CD300LD: variants seen among roughly 807,000 people sequenced by gnomAD.
The protein encoded by CD300LD is CD300 molecule like family member d, also known as CMRF35-like molecule 5.
Under a neutral mutation model 20.3 loss-of-function variants are expected in CD300LD, and 18 were observed. The observed-to-expected ratio is 0.89, with a 90% CI of 0.61 to 1.32. The LOEUF is 1.32. Among genes scored for constraint, CD300LD ranks in the 40% most tolerant of loss-of-function variants. The probability of loss-of-function intolerance (pLI) is 0.00; values close to 1 mark genes in which losing one functional copy is unlikely to be tolerated. For missense variants in CD300LD, 195 were observed against 226.6 expected (o/e 0.86, Z 0.90); for synonymous variants, 104 against 90.1 (o/e 1.15, Z -0.87).
intron 2 of CD300LD, among the ~76,000 whole-genome samples, chr17:74,587,861 A>G (rs558982955): frequency 6.6e-6 from 1 of 151,782 alleles, no homozygotes; most frequent in South Asian, 2.1e-4. Flanking sequence ...GAAAAAAAAA[A>G]TGTGCCTAGA....
intron 2 of CD300LD, 63 bp from the exon 3 acceptor site, chr17:74,582,374 C>CCTAA: frequency 7.2e-7 from 1 of 1,390,888 alleles, no homozygotes; most frequent in Admixed American, 1.9e-5. Flanking sequence ...TGGCTGTGGC[C>CCTAA]CTAAGGCTTC....
intron 2 of CD300LD, among the ~76,000 whole-genome samples, chr17:74,586,803 G>C (rs1384431199): frequency 1.3e-5 from 2 of 152,204 alleles, no homozygotes; most frequent in Non-Finnish European, 2.9e-5. Context: ...CTTAGTCCCA[G>C]GAGTTATTGA....
intron 1 of CD300LD, among the ~76,000 whole-genome samples, chr17:74,591,271 T>A (rs12940252): frequency 4.1e-5 from 6 of 145,332 alleles, no homozygotes; most frequent in Non-Finnish European, 9.1e-5. Flanking sequence ...AAAATAAAAA[T>A]AATAATAATA....
intron 1 of CD300LD, among the ~76,000 whole-genome samples, chr17:74,589,060 AAC>A (rs1429478070): frequency 2.0e-5 from 3 of 152,244 alleles, no homozygotes; most frequent in African/African-American, 7.2e-5. Context: ...TCCCCAAAGA[AAC>A]ACAAATGTTG....
Position 74,580,086 on chromosome 17 carries a change from C to G in CD300LD, c.501G>C (p.Leu167=). ...GAGGCAGCTCCAGGAGGAACAGGAA[C>G]AGGAAGTGGGTGCTCTTGAGCGGGG... ...TRSPLKSTHF[L]FLFLLELPLL... is the part of the protein sequence containing the mutation. The change falls in exon 4 of 4, where the codon CTG becomes CTC. Residue 167 remains leucine (L), a synonymous_variant. Transcript: ENST00000375352. The G allele has an allele frequency of 6.2e-7, 1 of 1,612,904 alleles. No homozygotes were observed. The highest frequency in any genetic ancestry group is 2.2e-5 in the East Asian group (1 of 44,848).
chr17:74,579,715 C>T lies in CD300LD; in HGVS notation c.*287G>A, dbSNP rs545527115. 3 of 215,298 alleles carry T rather than the reference C, an allele frequency of 1.4e-5. No individual in the cohort carries two copies. The highest frequency in any genetic ancestry group is 1.4e-4 in the South Asian group (2 of 13,854). The allele number at this position is 215,298 out of a possible 1,614,324, so 13.3% of individuals were successfully genotyped here. A position where few individuals can be genotyped will look rare whatever the true frequency, so the allele number is the denominator to read the frequency against. Reference sequence around the variant, plus strand: ...CCTGGGCAACGTGGTGGAAGCCCATCTCTACAAAAAAATTTAAAAATTAGC... The same window carrying T: ...CCTGGGCAACGTGGTGGAAGCCCATTTCTACAAAAAAATTTAAAAATTAGC... On this transcript the variant is annotated 3_prime_UTR_variant, in exon 4 of 4. Coordinates refer to ENST00000375352, the MANE Select transcript of CD300LD (RefSeq NM_001115152.2).
At chr17:74,590,716 C>G (rs2030290360) in intron 1 of CD300LD, 1 of 151,938 alleles carries the variant, frequency 6.6e-6, no homozygotes, top group Non-Finnish European at 1.5e-5. Context: ...GAAAAAAGTT[C>G]TACATCAGAA....
At chr17:74,582,708 C>T (rs1262481412) in intron 2 of CD300LD, among the ~76,000 whole-genome samples, 3 of 152,102 alleles carry the variant, frequency 2.0e-5, no homozygotes, top group Admixed American at 6.5e-5. Flanking sequence ...TGGAGAGCCC[C>T]GGATTCCTGG....
chr17:74,580,334 C>T (rs1202450237), intron 3 of CD300LD, among the ~76,000 whole-genome samples: 2 of 152,224 alleles, frequency 1.3e-5, no homozygotes, highest in Non-Finnish European at 2.9e-5. Flanking sequence ...TTCAAGGTCC[C>T]GTCTGCCAAC....
chr17:74,589,189 T>C (rs2030247616), intron 1 of CD300LD, among the ~76,000 whole-genome samples: 1 of 152,204 alleles, frequency 6.6e-6, no homozygotes, highest in Non-Finnish European at 1.5e-5. Context: ...ACTGGTCTGA[T>C]GGGGAGGAAA....
rs372905320 is a variant in CD300LD, at chr17:74,579,980, C to T, written c.*22G>A. On this transcript the variant is annotated 3_prime_UTR_variant, in exon 4 of 4. Coordinates refer to ENST00000375352, the MANE Select transcript of CD300LD (RefSeq NM_001115152.2). ...CGTCAATGGGCATTGGGACTCTCAT[C>T]ATCGGGCTGACTCCTCCTCCTTCAA... 4.6e-6 allele frequency: 7 copies of T among 1,516,794 alleles called. No individual in the cohort carries two copies. Among genetic ancestry groups the T allele is most frequent in the Admixed American group, 1.7e-5 (1 of 58,628 alleles). The allele number at this position is 1,516,794 out of a possible 1,614,324, so 94.0% of individuals were successfully genotyped here. A position where few individuals can be genotyped will look rare whatever the true frequency, so the allele number is the denominator to read the frequency against.
intron 2 of CD300LD, among the ~76,000 whole-genome samples, chr17:74,586,760 G>A (rs991443816): frequency 6.6e-6 from 1 of 152,088 alleles, no homozygotes; most frequent in Non-Finnish European, 1.5e-5. Flanking sequence ...GATTAATTTT[G>A]GGTAAAAGCT....
chr17:74,591,903 A>C, intron 1 of CD300LD: 1 of 833,522 alleles, frequency 1.2e-6, no homozygotes, highest in South Asian at 1.8e-5. Flanking sequence ...TCATCTGTTT[A>C]TATGGAACAG....
chr17:74,582,960 C>G (rs2030071121), intron 2 of CD300LD, among the ~76,000 whole-genome samples: 2 of 152,190 alleles, frequency 1.3e-5, no homozygotes, highest in Non-Finnish European at 2.9e-5. Flanking sequence ...AATAAGAGAT[C>G]ACAGCATCAT....
At chr17:74,582,175 G>A (rs1202861470) in intron 3 of CD300LD, 43 bp downstream of exon 3, 1 of 1,536,578 alleles carries the variant, frequency 6.5e-7, no homozygotes, top group Admixed American at 1.7e-5. Context: ...AGAGGCCATG[G>A]GGCCAGGCCT....
At position 74,588,775 on chromosome 17, in the gene CD300LD, A is replaced by G; in HGVS notation, c.115T>C (p.Cys39Arg). Residue 39 changes from cysteine to arginine, a missense_variant, in exon 2 of 4, where the codon TGT becomes CGT. Physicochemically the swap from Cys to Arg is radical, Grantham distance 180 (BLOSUM62 -3). Transcript: ENST00000375352. ...GTCTCCCAGCCTGAGCCATAAGCACACTGCACAGTCAATGAGCCCTGCTCC... is the reference window on the plus strand; with the variant it reads ...GTCTCCCAGCCTGAGCCATAAGCACGCTGCACAGTCAATGAGCCCTGCTCC... ...GSEQGSLTVQ[C>R]AYGSGWETYL... is the part of the protein sequence containing the mutation. 6.2e-7 allele frequency: 1 copy of G among 1,614,198 alleles called. No homozygotes were observed. Among genetic ancestry groups the G allele is most frequent in the Non-Finnish European group, 8.5e-7 (1 of 1,180,040 alleles).
At chr17:74,580,243 C>A in intron 3 of CD300LD, 130 bp from the exon 4 acceptor site, 2 of 656,596 alleles carry the variant, frequency 3.0e-6, no homozygotes, top group South Asian at 3.6e-5. Context: ...GACAGGCCAG[C>A]CCCTTTGGTG....
Position 74,581,180 on chromosome 17 carries a change from A to C in CD300LD, c.473+1038T>G, listed in dbSNP as rs544362745. Among the ~76,000 whole-genome samples the C allele has an allele frequency of 5.7e-4, 86 of 152,212 alleles. 1 individual carries two copies. Among genetic ancestry groups the C allele is most frequent in the South Asian group, 5.2e-3 (25 of 4,820 alleles). On this transcript the variant is annotated intron_variant, in intron 3 of 3. Coordinates refer to ENST00000375352, the MANE Select transcript of CD300LD (RefSeq NM_001115152.2). ...ATGGAGGAGGAAAAAAACAAACAAA[A>C]AAAAAACAGTCGAGGAGTCCTAAAG... is the stretch of plus-strand genomic sequence containing the variant.
At chr17:74,587,327 T>C (rs545479879) in intron 2 of CD300LD, among the ~76,000 whole-genome samples, 19 of 152,354 alleles carry the variant, frequency 1.2e-4, no homozygotes, top group South Asian at 2.1e-4. Context: ...AGGATGTTTT[T>C]CCATTTCATT....
Sources: allele counts gnomAD v4.1 joint callset (sites outside exome capture counted in the v4.1 genomes callset), GRCh38; gene constraint gnomAD v4.1.1; transcripts MANE v1.5; gene names NCBI Gene and HGNC (gene_info 2026-07-23, HGNC 2026-07-21).